Variants in PTPRK observed in about 807,000 individuals in gnomAD.
PTPRK encodes protein tyrosine phosphatase receptor type K.
A neutral mutation model predicts 178.0 loss-of-function variants in PTPRK; 75 were observed. The observed-to-expected ratio is 0.42, with a 90% confidence interval of 0.35 to 0.51. The LOEUF is 0.51. Among genes scored for constraint, PTPRK ranks in the 20% least tolerant of loss-of-function variants. The pLI is 0.02. For synonymous variants in PTPRK, 637 were observed against 620.6 expected (o/e 1.03, Z -0.39); for missense variants, 1,441 against 1,797.8 (o/e 0.80, Z 3.59).
chr6:128,262,857 C>CAAAAAAAAAAAAAAAAAAAA (rs747334195), intron 3 of PTPRK, among the ~76,000 whole-genome samples: 2 of 75,108 alleles, frequency 2.7e-5, no homozygotes, highest in African/African-American at 1.0e-4. Flanking sequence ...AACCAATAAC[C>CAAAAAAAAAAAAAAAAAAAA]AAAAAAAAAA....
chr6:127,977,027 C>A lies in PTPRK; in HGVS notation c.3739G>T (p.Val1247Phe). 6.2e-7 allele frequency: 1 copy of A among 1,613,924 alleles called. No homozygotes were observed. The highest frequency in any genetic ancestry group is 8.5e-7 in the Non-Finnish European group (1 of 1,179,916). ...GTGTTTGGCAGAGGGTATTGTGTGA[C>A]GATGAAAGCAGCTGGTTGCCTGTAG... ...DSYRQPAAFI[V>F]TQYPLPNTVK... The change falls in exon 26 of 30, where the codon GTC becomes TTC. Residue 1247 changes from valine (V) to phenylalanine (F), a missense_variant. Physicochemically the swap from Val to Phe is conservative, Grantham distance 50. Coordinates refer to ENST00000368226, the MANE Select transcript of PTPRK (RefSeq NM_002844.4).
At chr6:128,061,954 C>T (rs1484688393) in intron 13 of PTPRK, 1 of 152,158 alleles carries the variant, frequency 6.6e-6, no homozygotes, top group Non-Finnish European at 1.5e-5. Flanking sequence ...AGATTTTTAC[C>T]TACATATGCA....
intron 1 of PTPRK, among the ~76,000 whole-genome samples, chr6:128,484,292 C>T (rs1425472659): frequency 6.6e-6 from 1 of 152,080 alleles, no homozygotes. Flanking sequence ...ACCACCAACC[C>T]TTCTTTTTAC....
At chr6:128,142,336 C>G (rs1013087691) in intron 7 of PTPRK, among the ~76,000 whole-genome samples, 2 of 151,788 alleles carry the variant, frequency 1.3e-5, no homozygotes, top group Non-Finnish European at 2.9e-5. Flanking sequence ...AGTATAAAGT[C>G]TACCACAGGC....
chr6:128,424,065 T>TA (rs139100585), intron 1 of PTPRK, among the ~76,000 whole-genome samples: 11,733 of 111,988 alleles, frequency 0.1, 1,425 homozygotes, highest in African/African-American at 0.31. Context: ...CTACAAAAAG[T>TA]AAAAAAAAAA....
rs1307253485 is a variant in PTPRK, at chr6:128,520,462, G to A, written c.-104C>T. 4.5e-6 allele frequency: 5 copies of A among 1,102,402 alleles called. No homozygotes were observed. The highest frequency in any genetic ancestry group is 6.7e-6 in the Non-Finnish European group (5 of 748,960). 68.3% of individuals were successfully genotyped at this position (1,102,402 alleles called of 1,614,324 possible). On this transcript the variant is annotated 5_prime_UTR_variant, in exon 1 of 30. Transcript: ENST00000368226. ...GGGCCGGGCCTCGCGGGGTGAGGAC[G>A]GTGAGAGGACAGCCGCCCGCCCGCC...
At chr6:128,120,925 A>G (rs1792353376) in intron 7 of PTPRK, among the ~76,000 whole-genome samples, 1 of 151,934 alleles carries the variant, frequency 6.6e-6, no homozygotes, top group South Asian at 2.1e-4. Flanking sequence ...ATAACAACCC[A>G]CTTCTGTATA....
intron 7 of PTPRK, among the ~76,000 whole-genome samples, chr6:128,136,833 C>T (rs1035625168): frequency 3.9e-5 from 6 of 152,234 alleles, no homozygotes; most frequent in Non-Finnish European, 5.9e-5. Context: ...CTGTAATGGC[C>T]GAATCCATTG....
intron 5 of PTPRK, among the ~76,000 whole-genome samples, chr6:128,234,411 G>A (rs1301593522): frequency 6.6e-6 from 1 of 152,122 alleles, no homozygotes; most frequent in Non-Finnish European, 1.5e-5. Context: ...TACACTCATA[G>A]ATCAAGACCC....
At chr6:128,374,400 T>C (rs1445602056) in intron 2 of PTPRK, among the ~76,000 whole-genome samples, 3 of 152,092 alleles carry the variant, frequency 2.0e-5, no homozygotes, top group Non-Finnish European at 4.4e-5. Flanking sequence ...TAATCAGACA[T>C]GCATATCGAT....
At chr6:128,496,799 T>C (rs553010252) in intron 1 of PTPRK, among the ~76,000 whole-genome samples, 12 of 152,208 alleles carry the variant, frequency 7.9e-5, no homozygotes, top group Non-Finnish European at 1.6e-4. Flanking sequence ...ACTAATGATG[T>C]TGTAATGTGA....
chr6:128,073,413 G>A (rs1239810756), intron 11 of PTPRK, among the ~76,000 whole-genome samples: 1 of 151,944 alleles, frequency 6.6e-6, no homozygotes, highest in African/African-American at 2.4e-5. Flanking sequence ...AATGCAGAGT[G>A]CTATTTTATA....
chr6:128,475,076 T>A (rs1450037916), intron 1 of PTPRK, among the ~76,000 whole-genome samples: 2 of 152,130 alleles, frequency 1.3e-5, no homozygotes, highest in African/African-American at 4.8e-5. Context: ...ATTAGAAGTA[T>A]CATTGCATAG....
intron 1 of PTPRK, among the ~76,000 whole-genome samples, chr6:128,415,294 G>A (rs910057072): frequency 6.6e-6 from 1 of 152,034 alleles, no homozygotes; most frequent in South Asian, 2.1e-4. Context: ...TTTTCTCTAG[G>A]AATCTTAGTT....
chr6:128,085,615 C>G (rs76601637), intron 8 of PTPRK, among the ~76,000 whole-genome samples: 1,863 of 152,218 alleles, frequency 0.012, 37 homozygotes, highest in African/African-American at 0.041. Context: ...TATCGAACAT[C>G]GTTCAATAAT....
At chr6:128,118,951 T>C (rs1406591206) in intron 7 of PTPRK, among the ~76,000 whole-genome samples, 1 of 152,210 alleles carries the variant, frequency 6.6e-6, no homozygotes, top group Non-Finnish European at 1.5e-5. Flanking sequence ...TTGACTTCAT[T>C]TACTGCATTT....
At chr6:128,162,895 T>A (rs1798893816) in intron 7 of PTPRK, among the ~76,000 whole-genome samples, 1 of 151,668 alleles carries the variant, frequency 6.6e-6, no homozygotes. Context: ...CAGTTGTTAC[T>A]CTTAAATTAT....
chr6:128,385,374 T>C (rs1194265261), intron 2 of PTPRK, among the ~76,000 whole-genome samples: 1 of 152,192 alleles, frequency 6.6e-6, no homozygotes, highest in Non-Finnish European at 1.5e-5. Flanking sequence ...TCCATATTTT[T>C]TAATTAGCTC....
rs372808120 is a variant in PTPRK, at chr6:128,311,514, T to A, written c.495+10525A>T. Reference sequence around the variant, plus strand: ...CCTCCTCATTTCAAGACCCTCCATGTGGGCCAGAGAGAGCAGTATGGCTGG... The same window carrying A: ...CCTCCTCATTTCAAGACCCTCCATGAGGGCCAGAGAGAGCAGTATGGCTGG... On this transcript the variant is annotated intron_variant, in intron 3 of 29. Transcript: ENST00000368226. 1.6e-4 allele frequency among the ~76,000 whole-genome samples: 25 copies of A among 152,282 alleles called. No homozygotes were observed. The East Asian group carries it at 4.6e-3, about 28-fold the overall frequency.
Sources: gnomAD v4.1 joint callset for allele counts (sites outside exome capture counted in the v4.1 genomes callset) on GRCh38, gnomAD v4.1.1 for gene constraint, MANE v1.5 for transcripts, NCBI Gene and HGNC (gene_info 2026-07-23, HGNC 2026-07-21) for gene names.